The following MAP2 variants were observed in gnomAD, a reference collection of about 807,000 sequenced individuals.
MAP2 encodes microtubule-associated protein 2.
In MAP2, 14 loss-of-function variants were observed where a neutral mutation model predicts 137.6. The observed-to-expected ratio is 0.10, with a 90% CI of 0.07 to 0.16. MAP2 has a LOEUF of 0.16. MAP2 is among the 10% of genes least tolerant of loss of function. The pLI, the probability that MAP2 is intolerant of heterozygous loss-of-function variation, is 1.00. For missense variants in MAP2, 2,088 were observed against 2,191.5 expected (o/e 0.95, Z 0.94); for synonymous variants, 786 against 782.3 (o/e 1.00, Z -0.08).
chr2:209,528,112 C>T (rs1577175003), intron 2 of MAP2, among the ~76,000 whole-genome samples: 1 of 151,640 alleles, frequency 6.6e-6, no homozygotes, highest in African/African-American at 2.4e-5. Context: ...CCCCTGCCCA[C>T]CCCAGAAAAT....
At chr2:209,720,579 C>T (rs1216842051) in intron 13 of MAP2, among the ~76,000 whole-genome samples, 3 of 140,850 alleles carry the variant, frequency 2.1e-5, no homozygotes, top group Admixed American at 7.8e-5. Context: ...GCGGAGCTTG[C>T]AGTGAGCCGA....
At chr2:209,508,682 C>G (rs288067) in intron 2 of MAP2, among the ~76,000 whole-genome samples, 1 of 151,802 alleles carries the variant, frequency 6.6e-6, no homozygotes, top group Non-Finnish European at 1.5e-5. Context: ...AAATCTGTAT[C>G]GAATGAAGCA....
In MAP2 at chr2:209,680,621, C is replaced by T. The variant is rs563750935; in HGVS notation, c.377-129C>T. 6.0e-4 allele frequency: 448 copies of T among 750,636 alleles called. 3 individuals are homozygous for T. The highest frequency in any genetic ancestry group is 7.1e-4 in the Non-Finnish European group (313 of 441,260). 46.5% of individuals were successfully genotyped at this position (750,636 alleles called of 1,614,324 possible). On this transcript the variant is annotated intron_variant, in intron 6 of 15. Transcript: ENST00000682079. ...AATGGGCCTATAAATAAACCAAATGCGGCTTACTATTGAATCTTTTTCTGA... is the reference window on the plus strand; with the variant it reads ...AATGGGCCTATAAATAAACCAAATGTGGCTTACTATTGAATCTTTTTCTGA...
chr2:209,656,045 A>G (rs2095122681), intron 5 of MAP2, among the ~76,000 whole-genome samples: 1 of 152,150 alleles, frequency 6.6e-6, no homozygotes, highest in South Asian at 2.1e-4. Context: ...CTCCTTCATT[A>G]GAGTGGGCTC....
chr2:209,727,911 A>G (rs1265760314), intron 14 of MAP2, among the ~76,000 whole-genome samples: 2 of 152,164 alleles, frequency 1.3e-5, no homozygotes, highest in Admixed American at 1.3e-4. Context: ...GGTCAATAAT[A>G]CATTATTATT....
chr2:209,713,248 T>C (rs1419178045), intron 13 of MAP2, among the ~76,000 whole-genome samples: 3 of 152,156 alleles, frequency 2.0e-5, no homozygotes, highest in South Asian at 2.1e-4. Context: ...AATAAAGATA[T>C]ATGCATCTTA....
intron 1 of MAP2, among the ~76,000 whole-genome samples, chr2:209,469,461 T>C (rs1705085849): frequency 6.6e-6 from 1 of 152,214 alleles, no homozygotes; most frequent in South Asian, 2.1e-4. Flanking sequence ...ACAAAAATTT[T>C]ATTTTGGGGG....
intron 3 of MAP2, among the ~76,000 whole-genome samples, chr2:209,591,473 C>T (rs2079225031): frequency 6.6e-6 from 1 of 151,928 alleles, no homozygotes. Context: ...CTTTTGTTTC[C>T]CCACCACAAT....
intron 3 of MAP2, among the ~76,000 whole-genome samples, chr2:209,607,107 G>A (rs1420830434): frequency 6.6e-6 from 1 of 152,116 alleles, no homozygotes; most frequent in Non-Finnish European, 1.5e-5. Context: ...TGATGTACAT[G>A]TCCCAGGTAC....
Position 209,695,765 on chromosome 2 carries a change from G to T in MAP2, c.3595G>T (p.Gly1199Trp). ...TGATGTCCAGATGGAATTTATTCAG[G>T]GGCCAAAAGAAGAAAGCAAAGAGAC... ...RADVQMEFIQ[G>W]PKEESKETPD... Residue 1199 changes from glycine to tryptophan, a missense_variant, in exon 8 of 16, where the codon GGG becomes TGG. By Grantham distance (184) the Gly-to-Trp change is radical. Coordinates refer to ENST00000682079, the MANE Select transcript of MAP2 (RefSeq NM_001375505.1). 6.2e-7 allele frequency: 1 copy of T among 1,613,862 alleles called. No homozygotes were observed.
intron 7 of MAP2, among the ~76,000 whole-genome samples, chr2:209,686,858 A>C (rs1259670862): frequency 6.6e-6 from 1 of 152,194 alleles, no homozygotes; most frequent in Non-Finnish European, 1.5e-5. Flanking sequence ...ACATGGAATA[A>C]AGTCTTGATG....
At chr2:209,622,511 A>G (rs754218866) in intron 3 of MAP2, among the ~76,000 whole-genome samples, 4 of 152,222 alleles carry the variant, frequency 2.6e-5, no homozygotes, top group African/African-American at 9.6e-5. Context: ...ATTACTTAAT[A>G]TATATGAAGT....
At chr2:209,631,034 A>AAAAAAAG (rs1559446576) in intron 4 of MAP2, among the ~76,000 whole-genome samples, 4 of 100,688 alleles carry the variant, frequency 4.0e-5, no homozygotes, top group African/African-American at 6.4e-5. Flanking sequence ...AAAAAAAAAA[A>AAAAAAAG]AGAGAGAGAG....
intron 1 of MAP2, among the ~76,000 whole-genome samples, chr2:209,464,421 A>G (rs967132496): frequency 6.6e-6 from 1 of 152,172 alleles, no homozygotes; most frequent in Non-Finnish European, 1.5e-5. Context: ...TATTCAAATT[A>G]TACTACTTAA....
intron 10 of MAP2, 147 bp from the exon 11 acceptor site, chr2:209,700,130 G>C: frequency 1.7e-6 from 1 of 606,006 alleles, no homozygotes. Context: ...CATGTTACTT[G>C]AGTTATTGAA....
Position 209,605,994 on chromosome 2 carries a change from G to A in MAP2, c.-106-19059G>A, listed in dbSNP as rs541328364. Among the ~76,000 whole-genome samples, 114 of 152,258 alleles carry A rather than the reference G, an allele frequency of 7.5e-4. 3 individuals carry two copies. The South Asian group carries it at 0.022, about 30-fold the overall frequency. ...AGAAAGGGTAAAGTTAGTGTTAACC[G>A]CTGGATAGATAGATGCATGTTCATG... On this transcript the variant is annotated intron_variant, in intron 3 of 15. Coordinates refer to ENST00000682079, the MANE Select transcript of MAP2 (RefSeq NM_001375505.1).
intron 5 of MAP2, chr2:209,661,640 G>A: frequency 1.0e-6 from 1 of 985,508 alleles, no homozygotes; most frequent in Non-Finnish European, 1.2e-6. Flanking sequence ...TAGAAAGAGT[G>A]AGAAAGACAA....
At chr2:209,690,874 T>C (rs1369575250) in intron 7 of MAP2, 1 of 1,251,684 alleles carries the variant, frequency 8.0e-7, no homozygotes, top group Admixed American at 2.8e-5. Flanking sequence ...GATTTGCATG[T>C]GTTTTGTTGC....
chr2:209,503,267 C>T (rs1237931336), intron 1 of MAP2, among the ~76,000 whole-genome samples: 3 of 152,156 alleles, frequency 2.0e-5, no homozygotes, highest in Non-Finnish European at 4.4e-5. Context: ...TCCCAAAGTG[C>T]TGGGATTACA....
Sources: gnomAD v4.1 joint callset for allele counts (sites outside exome capture counted in the v4.1 genomes callset) on GRCh38, gnomAD v4.1.1 for gene constraint, MANE v1.5 for transcripts, NCBI Gene and HGNC (gene_info 2026-07-23, HGNC 2026-07-21) for gene names.